Variants in SLC7A14 observed in about 807,000 individuals in gnomAD.
SLC7A14 encodes gamma-aminobutyric acid transporter SLC7A14.
A neutral mutation model predicts 60.2 loss-of-function variants in SLC7A14; 37 were observed. The ratio of observed to expected loss-of-function variants is 0.61; its 90% CI spans 0.47 to 0.81. The LOEUF (loss-of-function observed/expected upper bound fraction) is 0.81, where lower values mean the gene tolerates loss of function less well. Among genes scored for constraint, SLC7A14 ranks in the 30% least tolerant of loss-of-function variants. The pLI is 0.00. For missense variants in SLC7A14, 886 were observed against 982.7 expected (o/e 0.90, Z 1.32); for synonymous variants, 399 against 395.8 (o/e 1.01, Z -0.10).
intron 2 of SLC7A14, among the ~76,000 whole-genome samples, chr3:170,502,318 T>G (rs1712642624): frequency 6.6e-6 from 1 of 152,254 alleles, no homozygotes; most frequent in African/African-American, 2.4e-5. Flanking sequence ...ATCAGGATGC[T>G]GCATTTTAAC....
At chr3:170,550,829 C>T (rs767499981) in intron 1 of SLC7A14, among the ~76,000 whole-genome samples, 12 of 151,980 alleles carry the variant, frequency 7.9e-5, no homozygotes, top group Non-Finnish European at 1.5e-4. Context: ...ACCATCTTTC[C>T]TTGATTTGTA....
intron 1 of SLC7A14, among the ~76,000 whole-genome samples, chr3:170,542,266 C>G (rs1399213946): frequency 6.6e-6 from 1 of 152,212 alleles, no homozygotes; most frequent in Non-Finnish European, 1.5e-5. Flanking sequence ...ACATTGGTTT[C>G]TAATAGCTTG....
chr3:170,486,186 A>G (rs1712021457), intron 5 of SLC7A14, 36 bp downstream of exon 5: 1 of 1,611,072 alleles, frequency 6.2e-7, no homozygotes, highest in Non-Finnish European at 8.5e-7. Flanking sequence ...CCAGGGCCAC[A>G]TCGTGAGGAG....
intron 5 of SLC7A14, among the ~76,000 whole-genome samples, chr3:170,485,116 G>C (rs999171547): frequency 1.3e-5 from 2 of 152,090 alleles, no homozygotes; most frequent in African/African-American, 2.4e-5. Flanking sequence ...TCAACATTCT[G>C]CCCACTGGGA....
intron 1 of SLC7A14, among the ~76,000 whole-genome samples, chr3:170,549,543 C>A (rs1490167028): frequency 6.6e-6 from 1 of 152,150 alleles, no homozygotes; most frequent in Non-Finnish European, 1.5e-5. Context: ...CCCCTCTCTG[C>A]AATCCAGGCT....
intron 6 of SLC7A14, among the ~76,000 whole-genome samples, chr3:170,482,407 G>A (rs1198886364): frequency 6.6e-6 from 1 of 152,214 alleles, no homozygotes; most frequent in African/African-American, 2.4e-5. Context: ...GTATGCAGGG[G>A]AAATGAGTCA....
At chr3:170,577,716 G>A (rs1417747936) in intron 1 of SLC7A14, among the ~76,000 whole-genome samples, 1 of 151,498 alleles carries the variant, frequency 6.6e-6, no homozygotes, top group Non-Finnish European at 1.5e-5. Context: ...GGGATATGTA[G>A]CTAGTTTAAC....
intron 1 of SLC7A14, among the ~76,000 whole-genome samples, chr3:170,584,696 T>A (rs1296457631): frequency 6.6e-6 from 1 of 152,170 alleles, no homozygotes; most frequent in Non-Finnish European, 1.5e-5. Context: ...GCACCCAGCC[T>A]CTGAGAACTT....
chr3:170,510,404 ATAAAT>A (rs1464104463), intron 2 of SLC7A14, among the ~76,000 whole-genome samples: 5 of 139,436 alleles, frequency 3.6e-5, no homozygotes, highest in Admixed American at 7.2e-5. Flanking sequence ...AAAAAAATAA[ATAAAT>A]AAATAAATAA....
intron 1 of SLC7A14, among the ~76,000 whole-genome samples, chr3:170,560,991 A>G (rs1341392808): frequency 6.6e-6 from 1 of 152,192 alleles, no homozygotes; most frequent in East Asian, 1.9e-4. Context: ...AACACATAGC[A>G]GAAAAGACAC....
At chr3:170,529,095 T>C (rs1046344841) in intron 1 of SLC7A14, among the ~76,000 whole-genome samples, 3 of 152,234 alleles carry the variant, frequency 2.0e-5, no homozygotes, top group Admixed American at 6.5e-5. Flanking sequence ...CCTTTATTAT[T>C]TCTCTTTTTA....
intron 1 of SLC7A14, among the ~76,000 whole-genome samples, chr3:170,573,235 C>A (rs542357121): frequency 6.6e-6 from 1 of 152,234 alleles, no homozygotes; most frequent in South Asian, 2.1e-4. Context: ...CAGAAATAAC[C>A]CAACCACTTG....
At chr3:170,501,462 A>G in intron 2 of SLC7A14, 117 bp from the exon 3 acceptor site, 1 of 820,474 alleles carries the variant, frequency 1.2e-6, no homozygotes, top group Non-Finnish European at 2.0e-6. Flanking sequence ...CAAATACACA[A>G]AGTTTTATGT....
At chr3:170,517,543 T>C (rs1301566846) in intron 2 of SLC7A14, among the ~76,000 whole-genome samples, 2 of 152,208 alleles carry the variant, frequency 1.3e-5, no homozygotes, top group Non-Finnish European at 2.9e-5. Context: ...GAAAATCATT[T>C]ATTGTTCTGA....
rs752572241 is a variant in SLC7A14 at position 170,501,095 on chromosome 3, T to A, written c.541+14A>T. ...AGTTTGCATGTTGAGGGTAGGAGGATGTGGCAGTCTCACCCAGGCCATTGA... is the reference window on the plus strand; with the variant it reads ...AGTTTGCATGTTGAGGGTAGGAGGAAGTGGCAGTCTCACCCAGGCCATTGA... On this transcript the variant is annotated intron_variant, in intron 3 of 7. Transcript: ENST00000231706. The A allele has an allele frequency of 6.2e-7, 1 of 1,612,962 alleles. No individual in the cohort carries two copies. Among genetic ancestry groups the A allele is most frequent in the South Asian group, 1.1e-5 (1 of 91,074 alleles).
chr3:170,550,244 A>G (rs891404865), intron 1 of SLC7A14, among the ~76,000 whole-genome samples: 1 of 152,224 alleles, frequency 6.6e-6, no homozygotes, highest in African/African-American at 2.4e-5. Context: ...AATATAGTGC[A>G]CTTACTATAA....
At chr3:170,481,246 C>A in intron 6 of SLC7A14, 80 bp from the exon 7 acceptor site, 2 of 1,440,202 alleles carry the variant, frequency 1.4e-6, no homozygotes, top group Non-Finnish European at 1.9e-6. Context: ...GGAGCTAGAA[C>A]TATCAATAGG....
At chr3:170,506,481 C>T (rs1310905896) in intron 2 of SLC7A14, among the ~76,000 whole-genome samples, 1 of 152,160 alleles carries the variant, frequency 6.6e-6, no homozygotes, top group African/African-American at 2.4e-5. Context: ...TTGCAATATT[C>T]TCTGTTAATC....
At chr3:170,575,744 G>A (rs1172653703) in intron 1 of SLC7A14, among the ~76,000 whole-genome samples, 2 of 152,104 alleles carry the variant, frequency 1.3e-5, no homozygotes, top group Non-Finnish European at 2.9e-5. Context: ...CAATATCTCT[G>A]GGTTTTAACT....
Sources: allele counts gnomAD v4.1 joint callset (sites outside exome capture counted in the v4.1 genomes callset), GRCh38; gene constraint gnomAD v4.1.1; transcripts MANE v1.5; gene names NCBI Gene and HGNC (gene_info 2026-07-23, HGNC 2026-07-21).